TMEM163: variants seen among roughly 807,000 people sequenced by gnomAD.
TMEM163 encodes the protein transmembrane protein 163.
Under a neutral mutation model 29.3 loss-of-function variants are expected in TMEM163, and 17 were observed. The ratio of observed to expected loss-of-function variants is 0.58; its 90% CI spans 0.40 to 0.87. The LOEUF (loss-of-function observed/expected upper bound fraction) is 0.87, where lower values mean the gene tolerates loss of function less well. TMEM163 is among the 40% of genes least tolerant of loss of function. TMEM163 has a pLI of 0.00. For missense variants in TMEM163, 303 were observed against 381.5 expected (o/e 0.79, Z 1.71); for synonymous variants, 157 against 160.6 (o/e 0.98, Z 0.17).
intron 4 of TMEM163, among the ~76,000 whole-genome samples, chr2:134,520,562 TTGTG>T (rs970977652): frequency 6.6e-6 from 1 of 152,228 alleles, no homozygotes; most frequent in African/African-American, 2.4e-5. Context: ...TGGCACAGTT[TTGTG>T]TGTGTGAGCT....
chr2:134,678,090 T>G (rs1329375507), intron 2 of TMEM163, among the ~76,000 whole-genome samples: 1 of 152,194 alleles, frequency 6.6e-6, no homozygotes, highest in African/African-American at 2.4e-5. Context: ...CCTAGCTAAT[T>G]GATTCTGCTG....
chr2:134,684,073 A>G (rs1684304921), intron 2 of TMEM163, among the ~76,000 whole-genome samples: 1 of 152,144 alleles, frequency 6.6e-6, no homozygotes, highest in African/African-American at 2.4e-5. Context: ...AATACTCACC[A>G]TGTCCTGGAA....
intron 2 of TMEM163, among the ~76,000 whole-genome samples, chr2:134,700,878 G>A (rs1325749867): frequency 6.8e-6 from 1 of 147,014 alleles, no homozygotes; most frequent in African/African-American, 2.6e-5. Flanking sequence ...TCCAGCCTGG[G>A]TGACAAGAAC....
At chr2:134,549,689 G>T (rs550238311) in intron 4 of TMEM163, among the ~76,000 whole-genome samples, 27 of 152,196 alleles carry the variant, frequency 1.8e-4, no homozygotes, top group African/African-American at 6.5e-4. Flanking sequence ...CACAGAAAGG[G>T]GCATTTACTC....
chr2:134,595,022 T>C lies in TMEM163; in HGVS notation c.323-42931A>G, dbSNP rs147137860. ...GAAAATCTATTTCCAGGCAGCTTGG[T>C]GCATATTCTGAATGAGATTATGTGC... On this transcript the variant is annotated intron_variant, in intron 2 of 7. Transcript: ENST00000281924. Among the ~76,000 whole-genome samples, 287 of 152,236 alleles carry C rather than the reference T, an allele frequency of 1.9e-3. 2 individuals carry two copies. Among genetic ancestry groups the C allele is most frequent in the Admixed American group, 4.9e-3 (75 of 15,286 alleles).
intron 4 of TMEM163, among the ~76,000 whole-genome samples, chr2:134,546,940 A>G (rs1048658712): frequency 2.0e-5 from 3 of 152,270 alleles, no homozygotes; most frequent in South Asian, 2.1e-4. Context: ...CAGTCACAAA[A>G]AAGACAAATA....
intron 2 of TMEM163, among the ~76,000 whole-genome samples, chr2:134,570,741 GT>G (rs1681403278): frequency 6.6e-6 from 1 of 152,090 alleles, no homozygotes; most frequent in Admixed American, 6.6e-5. Context: ...GAGATAAATG[GT>G]GCGACAGAAA....
chr2:134,521,337 G>C (rs1021380664), intron 4 of TMEM163, among the ~76,000 whole-genome samples: 14 of 152,158 alleles, frequency 9.2e-5, no homozygotes, highest in Admixed American at 5.2e-4. Context: ...CTCTATGTCA[G>C]TGGCTCTCAA....
intron 4 of TMEM163, among the ~76,000 whole-genome samples, chr2:134,533,843 T>C (rs1167542478): frequency 2.0e-5 from 3 of 152,200 alleles, no homozygotes; most frequent in East Asian, 1.9e-4. Flanking sequence ...CACACCACGC[T>C]GGTCTCACCT....
chr2:134,612,542 A>AACACACACACACACAAACACACACAC (rs1553485673), intron 2 of TMEM163, among the ~76,000 whole-genome samples: 1 of 140,568 alleles, frequency 7.1e-6, no homozygotes, highest in African/African-American at 2.7e-5. Flanking sequence ...GGTTTGCCCC[A>AACACACACACACACAAACACACACAC]ACACACACAC....
At position 134,476,970 on chromosome 2, in the gene TMEM163, T is replaced by C. The variant is rs373015647; in HGVS notation, c.556-10745A>G. Among the ~76,000 whole-genome samples, 10 of 152,280 alleles carry C rather than the reference T, an allele frequency of 6.6e-5. No individual in the cohort carries two copies. In the East Asian group the frequency reaches 1.7e-3, roughly 26 times the overall value. On this transcript the variant is annotated intron_variant, in intron 5 of 7. Transcript: ENST00000281924. ...AACAAGTTTCCTCTTTATCATCAAC[T>C]TCTCTGGAAAACCTTGTCTGACTCC...
intron 4 of TMEM163, among the ~76,000 whole-genome samples, chr2:134,505,237 T>C (rs1679793164): frequency 2.0e-5 from 2 of 100,468 alleles, no homozygotes; most frequent in South Asian, 1.1e-3. Flanking sequence ...CCTGGGGAAT[T>C]CCTTTTTTTT....
At chr2:134,565,679 T>C (rs895229233) in intron 2 of TMEM163, among the ~76,000 whole-genome samples, 21 of 152,000 alleles carry the variant, frequency 1.4e-4, no homozygotes, top group African/African-American at 5.1e-4. Context: ...AGCAGTGTTA[T>C]TCCTAATTGC....
At chr2:134,552,001 T>G in intron 3 of TMEM163, 47 bp downstream of exon 3, 1 of 1,579,418 alleles carries the variant, frequency 6.3e-7, no homozygotes, top group Non-Finnish European at 8.7e-7. Flanking sequence ...TATGGGCTTA[T>G]GAAAAAACGT....
At position 134,516,853 on chromosome 2, in the gene TMEM163, G is replaced by A. The variant is rs377199770; in HGVS notation, c.459-13856C>T. ...GAGAAGAGGCCAAACTCTGTCTACG[G>A]CCAAGGACCGCAAGACTAAAATGCT... On this transcript the variant is annotated intron_variant, in intron 4 of 7. Coordinates refer to ENST00000281924, the MANE Select transcript of TMEM163 (RefSeq NM_030923.5). Among the ~76,000 whole-genome samples, 10 of 149,968 alleles carry A rather than the reference G, an allele frequency of 6.7e-5. No individual in the cohort carries two copies. In the East Asian group the frequency reaches 1.6e-3, roughly 24 times the overall value.
chr2:134,479,169 G>T (rs1686987342), intron 5 of TMEM163, among the ~76,000 whole-genome samples: 2 of 152,164 alleles, frequency 1.3e-5, no homozygotes, highest in South Asian at 2.1e-4. Context: ...TTTGTAAGCT[G>T]CCCAGTCTAT....
At chr2:134,676,895 C>T (rs1684127199) in intron 2 of TMEM163, among the ~76,000 whole-genome samples, 1 of 152,044 alleles carries the variant, frequency 6.6e-6, no homozygotes, top group South Asian at 2.1e-4. Flanking sequence ...AATTAACTAC[C>T]CTCATGATTA....
At chr2:134,553,486 G>T (rs1680976518) in intron 2 of TMEM163, among the ~76,000 whole-genome samples, 1 of 152,214 alleles carries the variant, frequency 6.6e-6, no homozygotes, top group African/African-American at 2.4e-5. Flanking sequence ...AAATGCTGGA[G>T]TTGCCATCGG....
At chr2:134,516,454 G>A (rs1380534239) in intron 4 of TMEM163, among the ~76,000 whole-genome samples, 1 of 151,654 alleles carries the variant, frequency 6.6e-6, no homozygotes, top group African/African-American at 2.4e-5. Flanking sequence ...CTAGCTACTC[G>A]GGAAGTTGAG....
Sources: gnomAD v4.1 joint callset for allele counts (sites outside exome capture counted in the v4.1 genomes callset) on GRCh38, gnomAD v4.1.1 for gene constraint, MANE v1.5 for transcripts, NCBI Gene and HGNC (gene_info 2026-07-23, HGNC 2026-07-21) for gene names.